ROR1: variants seen among roughly 807,000 people sequenced by gnomAD.
The protein encoded by ROR1 is ROR family WNT receptor 1, also known as inactive tyrosine-protein kinase transmembrane receptor ROR1.
In ROR1, 19 loss-of-function variants were observed where a neutral mutation model predicts 78.8. The observed-to-expected ratio is 0.24, with a 90% confidence interval of 0.17 to 0.35. ROR1 has a LOEUF of 0.35. Ranked by LOEUF, ROR1 falls within the 10% of genes least tolerant of loss-of-function variation. The pLI, the probability that ROR1 is intolerant of heterozygous loss-of-function variation, is 1.00. For missense variants in ROR1, 917 were observed against 1,177.8 expected (o/e 0.78, Z 3.24); for synonymous variants, 386 against 433.6 (o/e 0.89, Z 1.36).
intron 4 of ROR1, among the ~76,000 whole-genome samples, chr1:64,114,413 TG>T (rs1345823624): frequency 3.3e-5 from 5 of 152,182 alleles, no homozygotes; most frequent in Non-Finnish European, 7.3e-5. Context: ...GAGTGACTGA[TG>T]GGAGAGAGAC....
chr1:63,855,510 A>G (rs553538845), intron 1 of ROR1, among the ~76,000 whole-genome samples: 22 of 151,928 alleles, frequency 1.4e-4, no homozygotes, highest in African/African-American at 5.1e-4. Flanking sequence ...TTCCCTCTGT[A>G]TCTTATTTTG....
chr1:64,094,217 GT>G (rs1319081908), intron 4 of ROR1, among the ~76,000 whole-genome samples: 1 of 152,122 alleles, frequency 6.6e-6, no homozygotes, highest in Non-Finnish European at 1.5e-5. Flanking sequence ...TTGCAAGCAT[GT>G]TTTGCCTTTA....
chr1:64,163,683 T>C (rs1650009715), intron 8 of ROR1, among the ~76,000 whole-genome samples: 1 of 152,226 alleles, frequency 6.6e-6, no homozygotes. Flanking sequence ...ATCTCTCCGT[T>C]TTCCTTTCCA....
intron 8 of ROR1, among the ~76,000 whole-genome samples, chr1:64,164,987 C>G (rs1037397375): frequency 1.3e-5 from 2 of 152,152 alleles, no homozygotes; most frequent in Non-Finnish European, 2.9e-5. Flanking sequence ...ACCACATTTT[C>G]TTTATCCAGT....
At chr1:63,788,246 T>C (rs960127960) in intron 1 of ROR1, among the ~76,000 whole-genome samples, 4 of 152,214 alleles carry the variant, frequency 2.6e-5, no homozygotes, top group African/African-American at 9.7e-5. Flanking sequence ...CTTTTTCTGA[T>C]GAGAACATTT....
chr1:63,780,696 CA>C (rs1644646937), intron 1 of ROR1, among the ~76,000 whole-genome samples: 1 of 152,212 alleles, frequency 6.6e-6, no homozygotes. Flanking sequence ...TAGATCTGAG[CA>C]GTACCCAGGC....
chr1:64,145,248 G>C (rs1317274912), intron 7 of ROR1, among the ~76,000 whole-genome samples: 1 of 152,154 alleles, frequency 6.6e-6, no homozygotes, highest in Non-Finnish European at 1.5e-5. Context: ...TTACAATGCA[G>C]TATGTATGAT....
intron 4 of ROR1, among the ~76,000 whole-genome samples, chr1:64,121,462 C>T (rs1648539908): frequency 6.6e-6 from 1 of 152,112 alleles, no homozygotes; most frequent in Non-Finnish European, 1.5e-5. Flanking sequence ...AAGTCTCCAC[C>T]ACTGTCCCTC....
intron 8 of ROR1, among the ~76,000 whole-genome samples, chr1:64,176,373 T>C (rs1207322691): frequency 5.9e-5 from 9 of 152,200 alleles, no homozygotes; most frequent in Non-Finnish European, 1.3e-4. Flanking sequence ...GACATAGGTC[T>C]GAGTGCTTTA....
chr1:63,956,774 G>A (rs1645985984), intron 1 of ROR1, among the ~76,000 whole-genome samples: 1 of 152,176 alleles, frequency 6.6e-6, no homozygotes, highest in Admixed American at 6.5e-5. Context: ...TGACTGAAGA[G>A]TATAAAGAAA....
intron 1 of ROR1, among the ~76,000 whole-genome samples, chr1:63,816,267 C>G (rs1456041417): frequency 6.6e-6 from 1 of 152,018 alleles, no homozygotes; most frequent in East Asian, 1.9e-4. Flanking sequence ...GCTCTGTGTC[C>G]CCACCCAAAT....
At chr1:63,953,702 G>A (rs895046311) in intron 1 of ROR1, among the ~76,000 whole-genome samples, 21 of 152,186 alleles carry the variant, frequency 1.4e-4, no homozygotes, top group African/African-American at 5.1e-4. Context: ...TAGGCAGAAA[G>A]TTGTTACTGT....
intron 1 of ROR1, among the ~76,000 whole-genome samples, chr1:63,911,701 G>A (rs920904600): frequency 5.9e-5 from 9 of 152,062 alleles, no homozygotes; most frequent in Admixed American, 2.0e-4. Flanking sequence ...GTGTCATTAC[G>A]TTGTTTGTAC....
intron 1 of ROR1, among the ~76,000 whole-genome samples, chr1:63,782,941 T>C (rs921982609): frequency 2.0e-5 from 3 of 152,050 alleles, no homozygotes; most frequent in Non-Finnish European, 4.4e-5. Flanking sequence ...TGTGATATGA[T>C]GTGAGCCTTG....
chr1:63,992,707 G>A lies in ROR1; in HGVS notation c.92-16598G>A, dbSNP rs574007856. 2.0e-5 allele frequency among the ~76,000 whole-genome samples: 3 copies of A among 152,188 alleles called. No individual in the cohort carries two copies. In the East Asian group the frequency reaches 5.8e-4, roughly 29 times the overall value. On this transcript the variant is annotated intron_variant, in intron 1 of 8. Transcript: ENST00000371079. ...TTGGCACATCACCCTCTAATCCTTGGTTTTGTCACCACCAAAATGAAGATA... is the reference window on the plus strand; with the variant it reads ...TTGGCACATCACCCTCTAATCCTTGATTTTGTCACCACCAAAATGAAGATA...
At chr1:64,124,938 A>T (rs1648660585) in intron 4 of ROR1, among the ~76,000 whole-genome samples, 1 of 152,248 alleles carries the variant, frequency 6.6e-6, no homozygotes, top group African/African-American at 2.4e-5. Context: ...GCACTGGTTC[A>T]TAACCAGTTA....
At chr1:63,973,920 T>C (rs549315042) in intron 1 of ROR1, among the ~76,000 whole-genome samples, 51 of 152,310 alleles carry the variant, frequency 3.3e-4, no homozygotes, top group Admixed American at 5.9e-4. Context: ...TTTGCAATTA[T>C]TTTGGGTGCT....
chr1:64,147,477 A>G (rs1377063277), intron 7 of ROR1, among the ~76,000 whole-genome samples: 2 of 152,196 alleles, frequency 1.3e-5, no homozygotes, highest in African/African-American at 4.8e-5. Context: ...CATATGATCA[A>G]TAAGCTGCTG....
In ROR1 at chr1:64,050,706, C is replaced by T; in HGVS notation, c.472C>T (p.Pro158Ser). The T allele has an allele frequency of 1.2e-6, 2 of 1,613,896 alleles. No homozygotes were observed. Among genetic ancestry groups the T allele is most frequent in the Non-Finnish European group, 8.5e-7 (1 of 1,179,838 alleles). ...TTCAGGCCCCCCTCCCACTGCAAGTCCAGGATACTCGTAAGTACTTTTATC... is the reference window on the plus strand; with the variant it reads ...TTCAGGCCCCCCTCCCACTGCAAGTTCAGGATACTCGTAAGTACTTTTATC... Reference protein sequence around the residue: ...VKFGPPPTASPGYSDEYEEDG... With the variant: ...VKFGPPPTASSGYSDEYEEDG... Residue 158 changes from proline (P) to serine (S), a missense_variant, in exon 4 of 9, where the codon CCA (proline) becomes TCA (serine). Transcript: ENST00000371079.
Sources: gnomAD v4.1 joint callset for allele counts (sites outside exome capture counted in the v4.1 genomes callset) on GRCh38, gnomAD v4.1.1 for gene constraint, MANE v1.5 for transcripts, NCBI Gene and HGNC (gene_info 2026-07-23, HGNC 2026-07-21) for gene names.